Variants in NBAS observed in about 807,000 individuals in gnomAD.
NBAS encodes the protein NBAS subunit of NRZ tethering complex.
Under a neutral mutation model 302.5 loss-of-function variants are expected in NBAS, and 219 were observed. The observed-to-expected ratio is 0.72, with a 90% CI of 0.65 to 0.81. NBAS has a LOEUF of 0.81. Among genes scored for constraint, NBAS ranks in the 30% least tolerant of loss-of-function variants. The pLI, the probability that NBAS is intolerant of heterozygous loss-of-function variation, is 0.00. For missense variants in NBAS, 2,932 were observed against 2,841.6 expected (o/e 1.03, Z -0.72); for synonymous variants, 1,118 against 1,021.6 (o/e 1.09, Z -1.80).
At chr2:14,826,524 C>A in the NBAS span, among the ~76,000 whole-genome samples, 86,460 of 152,116 alleles carry the variant, frequency 0.57, 26,934 homozygotes, top group African/African-American at 0.84. Context: ...GTAGATGTGG[C>A]TAAATTCCAA....
At chr2:15,483,485 C>T (rs866885164) in intron 12 of NBAS, 36 of 221,244 alleles carry the variant, frequency 1.6e-4, no homozygotes, top group African/African-American at 7.8e-4. Context: ...AAATTAAGGC[C>T]GAAAATGAGA....
the NBAS span, among the ~76,000 whole-genome samples, chr2:14,789,317 G>A: frequency 6.6e-6 from 1 of 152,170 alleles, no homozygotes; most frequent in African/African-American, 2.4e-5. Flanking sequence ...TGCTTCGGCT[G>A]GCACATGGTG....
the NBAS span, among the ~76,000 whole-genome samples, chr2:14,854,083 A>C: frequency 6.6e-6 from 1 of 150,936 alleles, no homozygotes; most frequent in Non-Finnish European, 1.5e-5. Flanking sequence ...AAAAAATAAT[A>C]ATAATAATAA....
At chr2:15,533,636 G>T (rs370787857) in intron 9 of NBAS, among the ~76,000 whole-genome samples, 2 of 151,598 alleles carry the variant, frequency 1.3e-5, no homozygotes, top group African/African-American at 4.9e-5. Flanking sequence ...GAACGGAGAC[G>T]ATGGGATTGG....
the NBAS span, among the ~76,000 whole-genome samples, chr2:15,150,750 G>A: frequency 6.6e-6 from 1 of 152,166 alleles, no homozygotes; most frequent in Non-Finnish European, 1.5e-5. Context: ...TATTGGATAT[G>A]TCATGTTTAA....
At chr2:15,398,869 A>C (rs1295537190) in intron 26 of NBAS, among the ~76,000 whole-genome samples, 1 of 152,210 alleles carries the variant, frequency 6.6e-6, no homozygotes, top group Non-Finnish European at 1.5e-5. Context: ...AGTAACAAGA[A>C]AATATCAAGT....
chr2:15,242,845 T>C (rs560316715), intron 44 of NBAS, among the ~76,000 whole-genome samples: 1 of 152,230 alleles, frequency 6.6e-6, no homozygotes, highest in South Asian at 2.1e-4. Context: ...GAAATAAAGA[T>C]AAGTGGCTAA....
chr2:15,350,763 A>G (rs368830745), intron 35 of NBAS, among the ~76,000 whole-genome samples: 2 of 152,220 alleles, frequency 1.3e-5, no homozygotes, highest in African/African-American at 4.8e-5. Context: ...CCATCTCATT[A>G]GTAATCAGAA....
the NBAS span, among the ~76,000 whole-genome samples, chr2:15,002,106 G>C: frequency 2.0e-5 from 3 of 151,826 alleles, no homozygotes; most frequent in African/African-American, 7.3e-5. Context: ...GCTAGATACA[G>C]AGTGTCGACA....
rs543286450 is a variant in NBAS, at chr2:15,455,872, A to G, written c.2339+5329T>C. ...ACTCAGGAAATATTTTTAAATAGAAAAAGAGCAAAAATGAAAAATCTAAAT... is the reference window on the plus strand; with the variant it reads ...ACTCAGGAAATATTTTTAAATAGAAGAAGAGCAAAAATGAAAAATCTAAAT... On this transcript the variant is annotated intron_variant, in intron 21 of 51. Transcript: ENST00000281513. 4.1e-3 allele frequency among the ~76,000 whole-genome samples: 623 copies of G among 152,148 alleles called. 5 individuals carry two copies. Among genetic ancestry groups the G allele is most frequent in the African/African-American group, 0.013 (557 of 41,484 alleles).
chr2:15,194,110 A>G (rs1665495747), intron 48 of NBAS, among the ~76,000 whole-genome samples: 1 of 152,154 alleles, frequency 6.6e-6, no homozygotes, highest in African/African-American at 2.4e-5. Context: ...GAATCCCACA[A>G]GAAAAGGAGA....
At chr2:15,556,891 G>C in intron 2 of NBAS, 72 bp from the exon 3 acceptor site, 2 of 1,231,134 alleles carry the variant, frequency 1.6e-6, no homozygotes, top group Non-Finnish European at 2.4e-6. Context: ...TAGATTTATA[G>C]ATGAGAAATC....
chr2:15,439,654 G>A (rs749352266), intron 21 of NBAS, among the ~76,000 whole-genome samples: 4 of 152,118 alleles, frequency 2.6e-5, no homozygotes, highest in African/African-American at 7.2e-5. Context: ...GACAGTGGGC[G>A]CAGGTCAGTG....
the NBAS span, among the ~76,000 whole-genome samples, chr2:14,861,528 A>C: frequency 6.6e-6 from 1 of 152,224 alleles, no homozygotes; most frequent in Non-Finnish European, 1.5e-5. Flanking sequence ...TTAGTTCTTG[A>C]AAAACACAGA....
At chr2:15,267,635 C>T (rs950713020) in intron 44 of NBAS, among the ~76,000 whole-genome samples, 8 of 151,898 alleles carry the variant, frequency 5.3e-5, no homozygotes, top group East Asian at 1.9e-4. Flanking sequence ...TAAAAACTTA[C>T]GAAAAAGATC....
At chr2:15,045,715 T>C in the NBAS span, among the ~76,000 whole-genome samples, 1 of 152,236 alleles carries the variant, frequency 6.6e-6, no homozygotes, top group African/African-American at 2.4e-5. Flanking sequence ...TTTAATTTCC[T>C]TCAGGTATAT....
the NBAS span, among the ~76,000 whole-genome samples, chr2:15,128,317 G>A: frequency 6.6e-6 from 1 of 152,248 alleles, no homozygotes; most frequent in Middle Eastern, 3.4e-3. Flanking sequence ...AGACCTACTG[G>A]GGCTGTTACA....
the NBAS span, among the ~76,000 whole-genome samples, chr2:15,082,216 G>A: frequency 2.6e-5 from 4 of 152,066 alleles, no homozygotes; most frequent in Non-Finnish European, 4.4e-5. Context: ...ATGACTCCAC[G>A]TTACACAGCT....
the NBAS span, among the ~76,000 whole-genome samples, chr2:15,080,379 G>A: frequency 3.3e-5 from 5 of 152,138 alleles, no homozygotes; most frequent in East Asian, 5.8e-4. Flanking sequence ...ATACTTTCAC[G>A]TGCCAGTTAT....
Sources: allele counts gnomAD v4.1 joint callset (sites outside exome capture counted in the v4.1 genomes callset), GRCh38; gene constraint gnomAD v4.1.1; transcripts MANE v1.5; gene names NCBI Gene and HGNC (gene_info 2026-07-23, HGNC 2026-07-21).